Variants in KAZN observed in about 807,000 individuals in gnomAD.
The protein encoded by KAZN is kazrin, periplakin interacting protein, also known as kazrin.
A neutral mutation model predicts 87.4 loss-of-function variants in KAZN; 40 were observed. The ratio of observed to expected loss-of-function variants is 0.46; its 90% CI spans 0.36 to 0.60. The LOEUF (loss-of-function observed/expected upper bound fraction) is 0.60, where lower values mean the gene tolerates loss of function less well. KAZN is among the 20% of genes least tolerant of loss of function. KAZN has a pLI of 0.00. For missense variants in KAZN, 898 were observed against 1,073.9 expected, an observed-to-expected ratio of 0.84 and a Z score of 2.29; for synonymous variants, 466 against 458.3, an observed-to-expected ratio of 1.02 and a Z score of -0.22.
intron 2 of KAZN, among the ~76,000 whole-genome samples, chr1:14,455,393 A>G (rs2148339050): frequency 6.6e-6 from 1 of 152,302 alleles, no homozygotes; most frequent in Non-Finnish European, 1.5e-5. Flanking sequence ...CTCTTCTGGA[A>G]CTTTCCATCC....
chr1:14,910,518 C>A lies in KAZN; in HGVS notation c.227-50166C>A, dbSNP rs535779057. On this transcript the variant is annotated intron_variant, in intron 1 of 14. Coordinates refer to ENST00000376030, the MANE Select transcript of KAZN (RefSeq NM_201628.3). ...AGCAGTCCCCACCTCCCCAGTGTGA[C>A]CAAAAAAATGTCTCCAGATATGCCA... is the stretch of plus-strand genomic sequence containing the variant. Among the ~76,000 whole-genome samples the A allele has an allele frequency of 1.8e-4, 27 of 152,272 alleles. 1 individual carries two copies. The South Asian group carries it at 2.1e-3, about 12-fold the overall frequency.
chr1:14,755,716 C>T (rs1448641377), intron 1 of KAZN, among the ~76,000 whole-genome samples: 1 of 152,290 alleles, frequency 6.6e-6, no homozygotes, highest in South Asian at 2.1e-4. Flanking sequence ...GTGCCCAGGG[C>T]TCCACGGGGT....
intron 2 of KAZN, among the ~76,000 whole-genome samples, chr1:14,366,990 G>C (rs1415174264): frequency 6.6e-6 from 1 of 152,250 alleles, no homozygotes; most frequent in Non-Finnish European, 1.5e-5. Context: ...CCAGCACTCT[G>C]GGAGGCCGAG....
intron 1 of KAZN, among the ~76,000 whole-genome samples, chr1:14,818,419 C>T (rs1171111742): frequency 6.6e-6 from 1 of 152,212 alleles, no homozygotes; most frequent in Admixed American, 6.5e-5. Context: ...GCGCGTTACC[C>T]AGGTGGGTGC....
chr1:14,784,776 G>A (rs1359731416), intron 1 of KAZN, among the ~76,000 whole-genome samples: 1 of 152,024 alleles, frequency 6.6e-6, no homozygotes, highest in East Asian at 1.9e-4. Context: ...AGTCATTCAA[G>A]TGACTACTCC....
chr1:14,782,676 A>G (rs1645393847), intron 1 of KAZN, among the ~76,000 whole-genome samples: 1 of 152,116 alleles, frequency 6.6e-6, no homozygotes, highest in Admixed American at 6.5e-5. Flanking sequence ...AAGCAATAAT[A>G]AATATACCTA....
chr1:14,140,873 G>C (rs182394865), intron 1 of KAZN, among the ~76,000 whole-genome samples: 1 of 152,106 alleles, frequency 6.6e-6, no homozygotes, highest in Admixed American at 6.6e-5. Context: ...GAAGAAAGAC[G>C]TCCTGTCTAA....
intron 1 of KAZN, among the ~76,000 whole-genome samples, chr1:14,700,914 T>C (rs781115804): frequency 1.2e-4 from 18 of 152,158 alleles, no homozygotes; most frequent in Non-Finnish European, 2.4e-4. Context: ...GGATGGTTCT[T>C]GTCTCCTGGC....
intron 2 of KAZN, among the ~76,000 whole-genome samples, chr1:14,360,251 T>C (rs1318201655): frequency 6.6e-6 from 1 of 152,362 alleles, no homozygotes; most frequent in African/African-American, 2.4e-5. Context: ...TACTTGTGTA[T>C]GATTCTCGAA....
intron 2 of KAZN, among the ~76,000 whole-genome samples, chr1:14,447,608 C>T (rs538046880): frequency 6.6e-6 from 1 of 152,020 alleles, no homozygotes; most frequent in African/African-American, 2.4e-5. Flanking sequence ...CTTCATTTTC[C>T]CCTGTTTTTC....
intron 2 of KAZN, among the ~76,000 whole-genome samples, chr1:14,971,108 A>G (rs1429187408): frequency 6.6e-6 from 1 of 152,148 alleles, no homozygotes; most frequent in Non-Finnish European, 1.5e-5. Flanking sequence ...AGGTTAAGAA[A>G]TTCTTCTGGC....
intron 2 of KAZN, among the ~76,000 whole-genome samples, chr1:14,384,277 TTCC>T (rs1475132340): frequency 6.6e-6 from 1 of 152,000 alleles, no homozygotes; most frequent in Non-Finnish European, 1.5e-5. Flanking sequence ...ATAATTTGAC[TTCC>T]TCTTTTCCTA....
intron 2 of KAZN, among the ~76,000 whole-genome samples, chr1:14,406,231 A>G (rs757146960): frequency 2.0e-5 from 3 of 152,142 alleles, no homozygotes; most frequent in Non-Finnish European, 2.9e-5. Flanking sequence ...TACATCTACA[A>G]TGTACTCACA....
At chr1:14,626,898 C>T (rs2148652118) in intron 1 of KAZN, among the ~76,000 whole-genome samples, 1 of 152,296 alleles carries the variant, frequency 6.6e-6, no homozygotes, top group Non-Finnish European at 1.5e-5. Flanking sequence ...CCTTAAGTGC[C>T]ACTTCTGGGA....
At chr1:14,729,820 T>G (rs1011668836) in intron 1 of KAZN, among the ~76,000 whole-genome samples, 1 of 152,098 alleles carries the variant, frequency 6.6e-6, no homozygotes, top group East Asian at 1.9e-4. Flanking sequence ...CCTATGATGG[T>G]TTTTTTGTTT....
chr1:14,213,632 G>C (rs1301028171), intron 2 of KAZN, among the ~76,000 whole-genome samples: 2 of 152,234 alleles, frequency 1.3e-5, no homozygotes, highest in Admixed American at 6.5e-5. Context: ...GTCACTTATA[G>C]GCTGTGATAA....
intron 2 of KAZN, among the ~76,000 whole-genome samples, chr1:14,488,613 C>T (rs1669477876): frequency 6.6e-6 from 1 of 152,200 alleles, no homozygotes; most frequent in African/African-American, 2.4e-5. Context: ...AGCGCCTGCC[C>T]TCCTGTAAGC....
At chr1:14,579,845 A>G (rs960141987) in intron 2 of KAZN, among the ~76,000 whole-genome samples, 1 of 152,106 alleles carries the variant, frequency 6.6e-6, no homozygotes, top group Non-Finnish European at 1.5e-5. Flanking sequence ...GCTCTTCTCT[A>G]ATTTAATGCA....
chr1:14,500,276 C>T (rs1036883802), intron 2 of KAZN, among the ~76,000 whole-genome samples: 4 of 152,090 alleles, frequency 2.6e-5, no homozygotes, highest in Non-Finnish European at 5.9e-5. Context: ...GAGCCAGAGC[C>T]GTGCTGCAGT....
Sources: gnomAD v4.1 joint callset for allele counts (sites outside exome capture counted in the v4.1 genomes callset) on GRCh38, gnomAD v4.1.1 for gene constraint, MANE v1.5 for transcripts, NCBI Gene and HGNC (gene_info 2026-07-23, HGNC 2026-07-21) for gene names.